The following POLI variants were observed in gnomAD, a reference collection of about 807,000 sequenced individuals.
The protein encoded by POLI is DNA polymerase iota, also known as RAD30 homolog B.
Under a neutral mutation model 51.6 loss-of-function variants are expected in POLI, and 58 were observed. That is an observed-to-expected ratio of 1.12 (90% confidence interval 0.91 to 1.40). The LOEUF (loss-of-function observed/expected upper bound fraction) is 1.40. Ranked by LOEUF, POLI falls within the 40% of genes most tolerant of loss-of-function variation. The pLI is 0.00. For synonymous variants in POLI, 322 were observed against 299.7 expected (o/e 1.07, Z -0.77); for missense variants, 921 against 871.3 (o/e 1.06, Z -0.72).
At chr18:54,308,004 A>G (rs1309837695) in intron 3 of POLI, among the ~76,000 whole-genome samples, 1 of 151,910 alleles carries the variant, frequency 6.6e-6, no homozygotes. Context: ...TCTCCTCAAT[A>G]CAGCACACCA....
At chr18:54,283,884 T>G in intron 6 of POLI, 38 bp from the exon 7 acceptor site, 1 of 738,232 alleles carries the variant, frequency 1.4e-6, no homozygotes, top group Non-Finnish European at 2.3e-6. Context: ...TATAGTTATT[T>G]GAGTTTGTGC....
chr18:54,286,710 G>A (rs916375373), intron 7 of POLI, among the ~76,000 whole-genome samples: 4 of 152,242 alleles, frequency 2.6e-5, no homozygotes, highest in African/African-American at 9.6e-5. Context: ...TTGGGAGGCT[G>A]AGGTGGGGGG....
intron 4 of POLI, chr18:54,320,411 C>G (rs957179045): frequency 6.6e-6 from 1 of 152,132 alleles, no homozygotes; most frequent in African/African-American, 2.4e-5. Context: ...CATGAAAAGA[C>G]CTAATTATTC....
intron 3 of POLI, among the ~76,000 whole-genome samples, chr18:54,303,348 T>C (rs1434602310): frequency 6.6e-6 from 1 of 152,244 alleles, no homozygotes; most frequent in Non-Finnish European, 1.5e-5. Flanking sequence ...AAAAATCCGC[T>C]TGCACTTTTT....
Position 54,297,420 on chromosome 18 carries a change from T to A in POLI, c.*2953T>A. On this transcript the variant is annotated 3_prime_UTR_variant, in exon 10 of 10. Coordinates refer to ENST00000579534, the MANE Select transcript of POLI (RefSeq NM_007195.3). The stretch of plus-strand genomic sequence containing the variant: ...AGTGTAGGCCTGGAGATTTCCCTTA[T>A]ATGGTACAAACCAGCAATGAATTAA... 1.0e-6 allele frequency: 1 copy of A among 982,634 alleles called. No homozygotes were observed. The highest frequency in any genetic ancestry group is 1.7e-5 in the African/African-American group (1 of 57,292). The allele number at this position is 982,634 out of a possible 1,614,324, so 60.9% of individuals were successfully genotyped here. A position where few individuals can be genotyped will look rare whatever the true frequency, so the allele number is the denominator to read the frequency against.
intron 8 of POLI, among the ~76,000 whole-genome samples, chr18:54,290,947 G>A (rs1170518214): frequency 3.3e-5 from 5 of 152,230 alleles, no homozygotes; most frequent in African/African-American, 1.2e-4. Flanking sequence ...TGCACATTGT[G>A]CACATGAACC....
chr18:54,319,600 G>A (rs2956142), intron 3 of POLI, among the ~76,000 whole-genome samples: 10,888 of 152,120 alleles, frequency 0.072, 474 homozygotes, highest in African/African-American at 0.1. Context: ...TTGTCATATT[G>A]TTTGGATACC....
rs56386609 is a variant in POLI at position 54,269,665 on chromosome 18, CG to C, written c.115+5del. The C allele has an allele frequency of 6.8e-4, 1,024 of 1,501,852 alleles. 1 individual carries two copies. The highest frequency in any genetic ancestry group is 2.3e-3 in the South Asian group (190 of 81,150). The allele number at this position is 1,501,852 out of a possible 1,614,324, so 93.0% of individuals were successfully genotyped here. A position where few individuals can be genotyped will look rare whatever the true frequency, so the allele number is the denominator to read the frequency against. ...GGGGCGGCAGCCAGCTCGCAGGGTG[CG>C]CCGCAGCCAGAGGAGCCAGCGGCCT... On this transcript the variant is annotated splice_donor_5th_base_variant and intron_variant, in intron 1 of 9. Coordinates refer to ENST00000579534, the MANE Select transcript of POLI (RefSeq NM_007195.3).
chr18:54,285,330 G>A (rs927271810), intron 7 of POLI, among the ~76,000 whole-genome samples: 1 of 152,142 alleles, frequency 6.6e-6, no homozygotes, highest in Non-Finnish European at 1.5e-5. Context: ...AGTTTTACAG[G>A]TTCTCTTATT....
At position 54,298,007 on chromosome 18, in the gene POLI, A is replaced by T. The variant is rs1357914607; in HGVS notation, c.*3540A>T. ...TAAGATAATATCTTTTACTTTGGAG[A>T]TACGCAGTTTTTATTATATGTCTAG... On this transcript the variant is annotated 3_prime_UTR_variant, in exon 10 of 10. Transcript: ENST00000579534. 1.0e-6 allele frequency: 1 copy of T among 978,512 alleles called. No individual in the cohort carries two copies. The highest frequency in any genetic ancestry group is 1.8e-5 in the African/African-American group (1 of 57,094). 60.6% of individuals were successfully genotyped at this position (978,512 alleles called of 1,614,324 possible).
chr18:54,294,909 A>G lies in POLI; in HGVS notation c.*442A>G, dbSNP rs1487077875. The G allele has an allele frequency of 1.0e-6, 1 of 981,656 alleles. No homozygotes were observed. The highest frequency in any genetic ancestry group is 1.1e-4 in the East Asian group (1 of 8,824). The allele number at this position is 981,656 out of a possible 1,614,324, so 60.8% of individuals were successfully genotyped here. On this transcript the variant is annotated 3_prime_UTR_variant, in exon 10 of 10. Coordinates refer to ENST00000579534, the MANE Select transcript of POLI (RefSeq NM_007195.3). ...CCTACTGCCAACTAACCTATTAAAAATATAGATAGTTTTGACTAAAGTACT... is the reference window on the plus strand; with the variant it reads ...CCTACTGCCAACTAACCTATTAAAAGTATAGATAGTTTTGACTAAAGTACT...
intron 3 of POLI, among the ~76,000 whole-genome samples, chr18:54,311,547 A>T (rs182367810): frequency 6.6e-6 from 1 of 152,236 alleles, no homozygotes; most frequent in African/African-American, 2.4e-5. Flanking sequence ...ATGTAGATAC[A>T]TGTATACTGA....
intron 3 of POLI, among the ~76,000 whole-genome samples, chr18:54,306,496 T>C (rs944363470): frequency 1.6e-4 from 25 of 152,052 alleles, no homozygotes; most frequent in Non-Finnish European, 2.9e-4. Flanking sequence ...TTGAGGATTT[T>C]TGCATCAATG....
rs949150788 is a variant in POLI at position 54,296,536 on chromosome 18, C to A, written c.*2069C>A. ...TGGCTTCTTCCTGTATCTTTTAATT[C>A]ATGTTCTGTAAAATTCTCAACCACT... is the stretch of plus-strand genomic sequence containing the variant. On this transcript the variant is annotated 3_prime_UTR_variant, in exon 10 of 10. Transcript: ENST00000579534. 4 of 209,144 alleles carry A rather than the reference C, an allele frequency of 1.9e-5. No individual in the cohort carries two copies. Among genetic ancestry groups the A allele is most frequent in the African/African-American group, 9.4e-5 (4 of 42,384 alleles). 13.0% of individuals were successfully genotyped at this position (209,144 alleles called of 1,614,324 possible). A position where few individuals can be genotyped will look rare whatever the true frequency, so the allele number is the denominator to read the frequency against.
chr18:54,292,601 C>T (rs886523400), intron 9 of POLI, among the ~76,000 whole-genome samples: 14 of 152,040 alleles, frequency 9.2e-5, no homozygotes, highest in Non-Finnish European at 2.1e-4. Context: ...ATAGACAAAC[C>T]ACTATTTAGT....
chr18:54,310,066 G>C (rs1214401591), intron 3 of POLI, among the ~76,000 whole-genome samples: 1 of 152,194 alleles, frequency 6.6e-6, no homozygotes, highest in African/African-American at 2.4e-5. Flanking sequence ...GCCCCACCCT[G>C]TTTCGGCTTG....
intron 3 of POLI, among the ~76,000 whole-genome samples, chr18:54,306,564 G>C (rs775356273): frequency 5.3e-5 from 8 of 152,086 alleles, no homozygotes; most frequent in Non-Finnish European, 1.0e-4. Context: ...GCTAGCCTTT[G>C]GTATCAGGAT....
At position 54,269,596 on chromosome 18, in the gene POLI, AC is replaced by A; in HGVS notation, c.51del (p.Asp17GlufsTer39). The A allele has an allele frequency of 6.7e-7, 1 of 1,503,496 alleles. No individual in the cohort carries two copies. The highest frequency in any genetic ancestry group is 1.5e-5 in the African/African-American group (1 of 68,294). The allele number at this position is 1,503,496 out of a possible 1,614,324, so 93.1% of individuals were successfully genotyped here. On this transcript the variant is annotated frameshift_variant, in exon 1 of 10. Transcript: ENST00000579534. LOFTEE classifies it high-confidence loss of function. ...GAGGAGGAAGGCGGCGGCGACGACGACGAGGAAGACGCCGAGGCCTGGGCCA... is the reference window on the plus strand; with the variant it reads ...GAGGAGGAAGGCGGCGGCGACGACGAGAGGAAGACGCCGAGGCCTGGGCCA... ...EPEEEGGGDD[D>X]EEDAEAWAME...
At chr18:54,271,209 T>C in intron 1 of POLI, 151 bp from the exon 2 acceptor site, 1 of 570,784 alleles carries the variant, frequency 1.8e-6, no homozygotes. Context: ...TTTCATGTCT[T>C]TGTAATTTTT....
Sources: gnomAD v4.1 joint callset for allele counts (sites outside exome capture counted in the v4.1 genomes callset) on GRCh38, gnomAD v4.1.1 for gene constraint, MANE v1.5 for transcripts, NCBI Gene and HGNC (gene_info 2026-07-23, HGNC 2026-07-21) for gene names.